Variants in DYSF observed in about 807,000 individuals in gnomAD.
DYSF encodes dystrophy-associated fer-1-like 1.
Under a neutral mutation model 274.9 loss-of-function variants are expected in DYSF, and 212 were observed. The observed-to-expected ratio is 0.77, with a 90% confidence interval of 0.69 to 0.86. The LOEUF is 0.86. Ranked by LOEUF, DYSF falls within the 40% of genes least tolerant of loss-of-function variation. The probability of loss-of-function intolerance (pLI) is 0.00; values close to 1 mark genes in which losing one functional copy is unlikely to be tolerated. For synonymous variants in DYSF, 1,091 were observed against 1,078.7 expected, an observed-to-expected ratio of 1.01 and a Z score of -0.22; for missense variants, 2,666 against 2,783.2, an observed-to-expected ratio of 0.96 and a Z score of 0.95.
chr2:71,589,789 G>A, intron 31 of DYSF, 103 bp downstream of exon 31: 1 of 1,179,690 alleles, frequency 8.5e-7, no homozygotes, highest in Non-Finnish European at 1.3e-6. Context: ...GGGCTCTGGG[G>A]AGCTGAGTCT....
At chr2:71,505,396 T>C (rs935083257) in intron 4 of DYSF, among the ~76,000 whole-genome samples, 6 of 152,186 alleles carry the variant, frequency 3.9e-5, no homozygotes, top group African/African-American at 1.2e-4. Context: ...CCCCATTTCA[T>C]TGTAGCTCTC....
At chr2:71,453,997 GC>G in exon 1 of DYSF, 2 of 1,614,156 alleles carry the variant, frequency 1.2e-6, no homozygotes, top group Non-Finnish European at 1.7e-6. Flanking sequence ...CACGCGCCAA[GC>G]ATGCTGAGGG....
chr2:71,618,643 G>GTGT (rs2094008288), intron 40 of DYSF, among the ~76,000 whole-genome samples: 1 of 87,460 alleles, frequency 1.1e-5, no homozygotes, highest in South Asian at 3.8e-4. Context: ...TACAGGAGGT[G>GTGT]GTGTGTGTGG....
intron 42 of DYSF, 33 bp downstream of exon 42, chr2:71,644,096 G>C: frequency 6.4e-7 from 1 of 1,563,008 alleles, no homozygotes; most frequent in Non-Finnish European, 8.8e-7. Context: ...CAGTCGGTGT[G>C]TGTGTGCGTA....
intron 45 of DYSF, among the ~76,000 whole-genome samples, chr2:71,663,661 A>G (rs1178171888): frequency 6.6e-6 from 1 of 152,222 alleles, no homozygotes; most frequent in Non-Finnish European, 1.5e-5. Flanking sequence ...TTTGATGCAC[A>G]TGGTAGATGG....
intron 3 of DYSF, among the ~76,000 whole-genome samples, chr2:71,495,939 T>C (rs75901565): frequency 0.052 from 7,872 of 151,732 alleles, 250 homozygotes; most frequent in African/African-American, 0.11. Flanking sequence ...TCAGGCATCC[T>C]ACCACAGGGT....
intron 9 of DYSF, 84 bp from the exon 10 acceptor site, chr2:71,516,905 T>C: frequency 1.6e-6 from 2 of 1,242,694 alleles, no homozygotes; most frequent in Non-Finnish European, 2.4e-6. Context: ...TGGCAGTTAT[T>C]GTTTGGGAGG....
Position 71,589,591 on chromosome 2 carries a change from A to G in DYSF, c.3403-2A>G, listed in dbSNP as rs370874727. 2.3e-5 allele frequency: 37 copies of G among 1,613,786 alleles called. No homozygotes were observed. The highest frequency in any genetic ancestry group is 3.0e-5 in the Non-Finnish European group (35 of 1,179,906). ...CTGCCATAACCAGCTTCGTGTCTCC[A>G]GGGCGGCGTGATGGATGACAAGAGT... On this transcript the variant is annotated splice_acceptor_variant, in intron 30 of 55. Transcript: ENST00000410020. LOFTEE classifies it high-confidence loss of function.
intron 3 of DYSF, among the ~76,000 whole-genome samples, chr2:71,483,988 A>G (rs902645283): frequency 4.1e-5 from 6 of 147,876 alleles, no homozygotes; most frequent in African/African-American, 1.3e-4. Context: ...GCAGAAGCAC[A>G]TGTTTCATTT....
At chr2:71,594,634 T>C (rs1189109173) in intron 32 of DYSF, among the ~76,000 whole-genome samples, 3 of 152,196 alleles carry the variant, frequency 2.0e-5, no homozygotes, top group Non-Finnish European at 4.4e-5. Context: ...CCCACTGCCC[T>C]GGTGCTCCCT....
At chr2:71,572,629 G>A (rs201840248) in intron 29 of DYSF, among the ~76,000 whole-genome samples, 1 of 152,236 alleles carries the variant, frequency 6.6e-6, no homozygotes, top group Non-Finnish European at 1.5e-5. Flanking sequence ...TTCACAACTC[G>A]GAACACCACA....
chr2:71,618,574 G>GGGGTAGA (rs2093998779), intron 40 of DYSF, among the ~76,000 whole-genome samples: 1 of 151,446 alleles, frequency 6.6e-6, no homozygotes, highest in African/African-American at 2.4e-5. Flanking sequence ...GTGTTTGTGT[G>GGGGTAGA]GGGTAGAGTT....
At chr2:71,540,136 G>A (rs913061721) in intron 17 of DYSF, among the ~76,000 whole-genome samples, 10 of 147,310 alleles carry the variant, frequency 6.8e-5, no homozygotes, top group African/African-American at 2.3e-4. Flanking sequence ...TTTTGAGATG[G>A]AGTCTTGCCC....
At chr2:71,614,247 G>T (rs1341164554) in intron 40 of DYSF, among the ~76,000 whole-genome samples, 1 of 152,154 alleles carries the variant, frequency 6.6e-6, no homozygotes, top group Non-Finnish European at 1.5e-5. Flanking sequence ...CTCCTCTCTG[G>T]GCTTTGCAAG....
intron 36 of DYSF, among the ~76,000 whole-genome samples, chr2:71,604,772 T>G (rs1036643641): frequency 6.6e-6 from 1 of 152,152 alleles, no homozygotes; most frequent in African/African-American, 2.4e-5. Context: ...GTGAATGAGA[T>G]GAAATACTGT....
At chr2:71,608,516 T>G (rs72902671) in intron 36 of DYSF, among the ~76,000 whole-genome samples, 8,167 of 152,110 alleles carry the variant, frequency 0.054, 365 homozygotes, top group African/African-American at 0.13. Context: ...TGGACACACC[T>G]CTAACCACTG....
chr2:71,578,977 T>C (rs756931990), intron 30 of DYSF, among the ~76,000 whole-genome samples: 23 of 152,226 alleles, frequency 1.5e-4, no homozygotes, highest in Non-Finnish European at 2.8e-4. Flanking sequence ...TTCCAGCTAA[T>C]ATCCTGGCAT....
chr2:71,612,491 C>G, intron 38 of DYSF, 150 bp from the exon 39 acceptor site: 1 of 1,220,428 alleles, frequency 8.2e-7, no homozygotes, highest in East Asian at 2.5e-5. Flanking sequence ...TGTGGCTTCG[C>G]TCGACTGCCC....
At chr2:71,671,392 C>A (rs1355649101) in intron 51 of DYSF, among the ~76,000 whole-genome samples, 3 of 152,228 alleles carry the variant, frequency 2.0e-5, no homozygotes, top group African/African-American at 7.2e-5. Flanking sequence ...ACAGCACTGC[C>A]CCAGCCAGCT....
Sources: allele counts gnomAD v4.1 joint callset (sites outside exome capture counted in the v4.1 genomes callset), GRCh38; gene constraint gnomAD v4.1.1; transcripts MANE v1.5; gene names NCBI Gene and HGNC (gene_info 2026-07-23, HGNC 2026-07-21).